The following TBCE variants were observed in gnomAD, a reference collection of about 807,000 sequenced individuals.
TBCE encodes the protein tubulin folding cofactor E, also known as tubulin-specific chaperone E.
A neutral mutation model predicts 77.0 loss-of-function variants in TBCE; 53 were observed. The observed-to-expected ratio is 0.69, with a 90% CI of 0.55 to 0.87. TBCE has a LOEUF of 0.87. Among genes scored for constraint, TBCE ranks in the 40% least tolerant of loss-of-function variants. The probability of loss-of-function intolerance (pLI) is 0.00; values close to 1 mark genes in which losing one functional copy is unlikely to be tolerated. For missense variants in TBCE, 624 were observed against 622.4 expected (o/e 1.00, Z -0.03); for synonymous variants, 235 against 241.3 (o/e 0.97, Z 0.24).
chr1:235,412,639 C>T (rs1331391522), intron 3 of TBCE, among the ~76,000 whole-genome samples: 1 of 151,996 alleles, frequency 6.6e-6, no homozygotes, highest in Non-Finnish European at 1.5e-5. Context: ...TAACTCCCTC[C>T]TGGCCACTTC....
intron 4 of TBCE, chr1:235,416,183 A>AG (rs1439366058): frequency 2.0e-5 from 3 of 149,492 alleles, no homozygotes; most frequent in African/African-American, 5.0e-5. Flanking sequence ...AAAAAAAAAA[A>AG]AAAGAAAAAA....
Position 235,380,082 on chromosome 1 carries a change from T to C in TBCE, c.33T>C (p.Gly11=), listed in dbSNP as rs760473258. MSDTLTADVI[G]RRVEVNGEHA... ...ACACTTTGACAGCGGATGTCATTGG[T>C]CGAAGAGTTGAAGTTAATGGAGAAC... is the stretch of plus-strand genomic sequence containing the variant. The change falls in exon 2 of 17, where the codon GGT becomes GGC. Residue 11 remains glycine, a synonymous_variant. Coordinates refer to ENST00000642610, the MANE Select transcript of TBCE (RefSeq NM_003193.5). 1.1e-5 allele frequency: 18 copies of C among 1,613,734 alleles called. No homozygotes were observed. In the Admixed American group the frequency reaches 2.8e-4, roughly 25 times the overall value.
In TBCE at chr1:235,449,286, T is replaced by C. The variant is rs932224571; in HGVS notation, c.*524T>C. 2 of 165,208 alleles carry C rather than the reference T, an allele frequency of 1.2e-5. No homozygotes were observed. Among genetic ancestry groups the C allele is most frequent in the African/African-American group, 2.4e-5 (1 of 41,434 alleles). 10.2% of individuals were successfully genotyped at this position (165,208 alleles called of 1,614,324 possible). A position where few individuals can be genotyped will look rare whatever the true frequency, so the allele number is the denominator to read the frequency against. On this transcript the variant is annotated 3_prime_UTR_variant, in exon 17 of 17. Coordinates refer to ENST00000642610, the MANE Select transcript of TBCE (RefSeq NM_003193.5). ...AGTACTTAAATTAATCACATGCTTTTCCCTACAATTATACCTAAGCTGAGT... is the reference window on the plus strand; with the variant it reads ...AGTACTTAAATTAATCACATGCTTTCCCCTACAATTATACCTAAGCTGAGT...
chr1:235,384,594 T>G (rs1677879233), intron 2 of TBCE, among the ~76,000 whole-genome samples: 1 of 149,652 alleles, frequency 6.7e-6, no homozygotes, highest in African/African-American at 2.4e-5. Context: ...ATTTTCTAGT[T>G]TATTTGCGTA....
intron 3 of TBCE, among the ~76,000 whole-genome samples, chr1:235,403,690 C>T (rs564251160): frequency 6.2e-4 from 94 of 152,248 alleles, no homozygotes; most frequent in African/African-American, 2.0e-3. Flanking sequence ...AGGGTTTGTC[C>T]TGAAATGCTA....
chr1:235,439,065 T>TA, intron 13 of TBCE, 143 bp downstream of exon 13: 1 of 1,191,186 alleles, frequency 8.4e-7, no homozygotes, highest in African/African-American at 1.5e-5. Flanking sequence ...GAATGGACTA[T>TA]AGGCACTTTC....
intron 1 of TBCE, among the ~76,000 whole-genome samples, chr1:235,369,523 C>CA (rs370600421): frequency 6.8e-5 from 10 of 146,710 alleles, no homozygotes; most frequent in South Asian, 4.4e-4. Context: ...ACAACAAAAA[C>CA]AAAAAAAACA....
At chr1:235,368,006 A>G (rs527499242) in intron 1 of TBCE, among the ~76,000 whole-genome samples, 9 of 152,102 alleles carry the variant, frequency 5.9e-5, no homozygotes, top group Non-Finnish European at 1.2e-4. Context: ...CCTGGGTTCA[A>G]GCGATTCTGC....
intron 14 of TBCE, among the ~76,000 whole-genome samples, chr1:235,442,170 G>C (rs763688039): frequency 6.6e-6 from 1 of 151,796 alleles, no homozygotes; most frequent in African/African-American, 2.4e-5. Flanking sequence ...AACCATGCCC[G>C]GCTAATTTTT....
chr1:235,412,615 ACT>A (rs1337614442), intron 3 of TBCE, among the ~76,000 whole-genome samples: 5 of 151,336 alleles, frequency 3.3e-5, no homozygotes, highest in Non-Finnish European at 7.4e-5. Context: ...CCCAGCCCAC[ACT>A]CTCTAAGTTT....
chr1:235,388,846 G>A (rs1678196576), intron 2 of TBCE, among the ~76,000 whole-genome samples: 1 of 152,228 alleles, frequency 6.6e-6, no homozygotes, highest in Non-Finnish European at 1.5e-5. Context: ...CTGGGCTATG[G>A]TACAGCCTCA....
intron 4 of TBCE, among the ~76,000 whole-genome samples, chr1:235,416,403 A>T (rs1259948985): frequency 6.6e-6 from 1 of 151,966 alleles, no homozygotes; most frequent in Admixed American, 6.6e-5. Context: ...GTGCGTGCCT[A>T]TAGTCCCAAC....
intron 2 of TBCE, among the ~76,000 whole-genome samples, chr1:235,398,939 C>T (rs977880973): frequency 3.3e-5 from 5 of 151,324 alleles, no homozygotes; most frequent in African/African-American, 1.2e-4. Context: ...GCTCCCGTGC[C>T]CAGCCACTAT....
At chr1:235,372,872 T>C (rs539510827) in intron 1 of TBCE, among the ~76,000 whole-genome samples, 91 of 137,510 alleles carry the variant, frequency 6.6e-4, no homozygotes, top group African/African-American at 2.3e-3. Context: ...TGCAGTGAGC[T>C]GAGATTGCAC....
chr1:235,382,131 A>G (rs1356494920), intron 2 of TBCE, among the ~76,000 whole-genome samples: 2 of 151,428 alleles, frequency 1.3e-5, no homozygotes, highest in South Asian at 2.1e-4. Flanking sequence ...ATGTCCCTAT[A>G]AAGGACATGA....
chr1:235,438,562 AAG>A (rs1681613323), intron 12 of TBCE, among the ~76,000 whole-genome samples: 1 of 151,110 alleles, frequency 6.6e-6, no homozygotes, highest in South Asian at 2.1e-4. Context: ...TAAAAAAAAA[AAG>A]AGTGTAAAAC....
chr1:235,383,664 T>G (rs1572332210), intron 2 of TBCE, among the ~76,000 whole-genome samples: 2 of 152,314 alleles, frequency 1.3e-5, no homozygotes, highest in East Asian at 3.9e-4. Flanking sequence ...GTACATTGAT[T>G]TTGTAACCTG....
At chr1:235,381,476 A>G (rs1427483077) in intron 2 of TBCE, among the ~76,000 whole-genome samples, 1 of 151,952 alleles carries the variant, frequency 6.6e-6, no homozygotes, top group African/African-American at 2.4e-5. Context: ...CAAGGTCATG[A>G]GATTGAGACC....
chr1:235,368,323 C>T (rs780486462), intron 1 of TBCE, among the ~76,000 whole-genome samples: 7 of 152,076 alleles, frequency 4.6e-5, no homozygotes, highest in Non-Finnish European at 8.8e-5. Context: ...GGCAGGAAGA[C>T]GGGGTTAACA....
Sources: gnomAD v4.1 joint callset for allele counts (sites outside exome capture counted in the v4.1 genomes callset) on GRCh38, gnomAD v4.1.1 for gene constraint, MANE v1.5 for transcripts, NCBI Gene and HGNC (gene_info 2026-07-23, HGNC 2026-07-21) for gene names.